The following ACTRT3 variants were observed in gnomAD, a reference collection of about 807,000 sequenced individuals.
ACTRT3 encodes the protein actin related protein T3.
ACTRT3 carries 15 observed loss-of-function variants against 17.6 expected under a neutral mutation model. The ratio of observed to expected loss-of-function variants is 0.85; its 90% CI spans 0.57 to 1.31. The LOEUF (loss-of-function observed/expected upper bound fraction) is 1.31, where lower values mean the gene tolerates loss of function less well. ACTRT3 is among the 50% of genes most tolerant of loss of function. The pLI is 0.00. For missense variants in ACTRT3, 457 were observed against 466.7 expected (o/e 0.98, Z 0.19); for synonymous variants, 169 against 176.4 (o/e 0.96, Z 0.33).
chr3:169,769,433 T>G lies in ACTRT3; in HGVS notation c.88A>C (p.Ile30Leu). 1 of 1,608,894 alleles carries G rather than the reference T, an allele frequency of 6.2e-7. No homozygotes were observed. The highest frequency in any genetic ancestry group is 1.4e-5 in the African/African-American group (1 of 73,788). Residue 30 changes from isoleucine (I) to leucine (L), a missense_variant, in exon 1 of 2, where the codon ATC becomes CTC. By Grantham distance (5) the Ile-to-Leu change is conservative. Transcript: ENST00000330368. ...GCGCGGCCGATAATGTTCGGGTAGA[T>G]AAACTGGGGCTCCCGGCACCCAGCC... is the stretch of plus-strand genomic sequence containing the variant. Reference protein sequence around the residue: ...GVAGCREPQFIYPNIIGRAKG... With the variant: ...GVAGCREPQFLYPNIIGRAKG...
Position 169,767,993 on chromosome 3 carries a change from G to T in ACTRT3, c.558C>A (p.Asn186Lys). Residue 186 changes from asparagine (N) to lysine (K), a missense_variant, in exon 2 of 2, where the codon AAC becomes AAA. Coordinates refer to ENST00000330368, the MANE Select transcript of ACTRT3 (RefSeq NM_032487.5). ...GGTTCTTCATTAGCACCATGAGGTA[G>T]TTGGTGAGGTCAAGGCCTGCCAGAT... Reference protein sequence around the residue: ...QLDLAGLDLTNYLMVLMKNHG... With the variant: ...QLDLAGLDLTKYLMVLMKNHG... 6.2e-7 allele frequency: 1 copy of T among 1,614,206 alleles called. No homozygotes were observed. The highest frequency in any genetic ancestry group is 8.5e-7 in the Non-Finnish European group (1 of 1,180,052).
intron 1 of ACTRT3, among the ~76,000 whole-genome samples, 163 bp from the exon 2 acceptor site, chr3:169,768,513 T>C (rs1778023401): frequency 6.6e-6 from 1 of 151,580 alleles, no homozygotes; most frequent in Admixed American, 6.6e-5. Flanking sequence ...ATAGCACAGC[T>C]ACTTACCTCT....
rs1331274274 is a variant in ACTRT3 at position 169,767,533 on chromosome 3, C to T, written c.1018G>A (p.Gly340Ser). Residue 340 changes from glycine (G) to serine (S), a missense_variant, in exon 2 of 2, where the codon GGT (glycine) becomes AGT (serine). Gly to Ser is a moderately conservative substitution (Grantham distance 56). Transcript: ENST00000330368. ...GCAGACAAGGATGCAAGAATAGAAC[C>T]TCCCATCCACACTGATATTTTCCTT... Reference protein sequence around the residue: ...PERKISVWMGGSILASLSAFQ... With the variant: ...PERKISVWMGSSILASLSAFQ... The T allele has an allele frequency of 1.9e-6, 3 of 1,613,910 alleles. No homozygotes were observed. The highest frequency in any genetic ancestry group is 2.7e-5 in the African/African-American group (2 of 74,926).
rs1778007753 is a variant in ACTRT3 at position 169,767,649 on chromosome 3, G to T, written c.902C>A (p.Thr301Asn). 6.2e-7 allele frequency: 1 copy of T among 1,613,560 alleles called. No individual in the cohort carries two copies. Among genetic ancestry groups the T allele is most frequent in the African/African-American group, 1.3e-5 (1 of 74,882 alleles). Residue 301 changes from threonine (T) to asparagine (N), a missense_variant, in exon 2 of 2, where the codon ACC (threonine) becomes AAC (asparagine). By Grantham distance (65) the Thr-to-Asn change is moderately conservative (BLOSUM62 0). Transcript: ENST00000330368. ...FSNIILAGGS[T>N]SFPGLDKRLV... The stretch of plus-strand genomic sequence containing the variant: ...CCGCTTGTCTAAACCAGGGAAAGAG[G>T]TTGATCCCCCGGCAAGGATAATATT...
In ACTRT3 at chr3:169,767,538, A is replaced by T. The variant is rs139678886; in HGVS notation, c.1013T>A (p.Met338Lys). Reference sequence around the variant, plus strand: ...CAAGGATGCAAGAATAGAACCTCCCATCCACACTGATATTTTCCTTTCTGG... The same window carrying T: ...CAAGGATGCAAGAATAGAACCTCCCTTCCACACTGATATTTTCCTTTCTGG... Reference protein sequence around the residue: ...APPERKISVWMGGSILASLSA... With the variant: ...APPERKISVWKGGSILASLSA... Residue 338 changes from methionine to lysine, a missense_variant, in exon 2 of 2, where the codon ATG becomes AAG. Met to Lys is a moderately conservative substitution (Grantham distance 95). Coordinates refer to ENST00000330368, the MANE Select transcript of ACTRT3 (RefSeq NM_032487.5). The T allele has an allele frequency of 4.3e-6, 7 of 1,614,064 alleles. No homozygotes were observed. The South Asian group carries it at 6.6e-5, about 15-fold the overall frequency.
chr3:169,768,143 C>G lies in ACTRT3; in HGVS notation c.408G>C (p.Gln136His). 1 of 1,614,086 alleles carries G rather than the reference C, an allele frequency of 6.2e-7. No homozygotes were observed. Among genetic ancestry groups the G allele is most frequent in the Non-Finnish European group, 8.5e-7 (1 of 1,180,032 alleles). The change falls in exon 2 of 2, where the codon CAG becomes CAC. Residue 136 changes from glutamine to histidine, a missense_variant. Coordinates refer to ENST00000330368, the MANE Select transcript of ACTRT3 (RefSeq NM_032487.5). Reference sequence around the variant, plus strand: ...CAGCAGCAAAGAGAGCCAGCACAGCCTGGATGGACATATAGAAGGCAGGAA... The same window carrying G: ...CAGCAGCAAAGAGAGCCAGCACAGCGTGGATGGACATATAGAAGGCAGGAA... ...LGVPAFYMSI[Q>H]AVLALFAAGF...
intron 1 of ACTRT3, among the ~76,000 whole-genome samples, chr3:169,768,950 G>T (rs1778031369): frequency 6.6e-6 from 1 of 152,118 alleles, no homozygotes; most frequent in South Asian, 2.1e-4. Context: ...AATAACCCAA[G>T]TGACAAAAGG....
At chr3:169,768,808 G>A (rs991180802) in intron 1 of ACTRT3, among the ~76,000 whole-genome samples, 10 of 152,164 alleles carry the variant, frequency 6.6e-5, no homozygotes, top group African/African-American at 2.2e-4. Flanking sequence ...GATTACAGGC[G>A]TGAGCCACCG....
In ACTRT3 at chr3:169,767,696, GC is replaced by G; in HGVS notation, c.854del (p.Gly285AlafsTer2). ...CFSSIMKCDT[G>X]LRNSFFSNII... ...TATTGGAAAAGAAGGAATTCCTCAG[GC>G]CTGTATCACATTTCATTATGCTGCT... On this transcript the variant is annotated frameshift_variant, in exon 2 of 2. Coordinates refer to ENST00000330368, the MANE Select transcript of ACTRT3 (RefSeq NM_032487.5). LOFTEE classifies it high-confidence loss of function. 1.2e-6 allele frequency: 2 copies of G among 1,613,956 alleles called. No homozygotes were observed. The highest frequency in any genetic ancestry group is 1.7e-6 in the Non-Finnish European group (2 of 1,180,024).
chr3:169,767,262 C>A lies in ACTRT3; in HGVS notation c.*170G>T. ...TAACTTGGTTCTACTCAATAGACAT[C>A]TGTTCTTGAGCTTCACCATTATTAT... On this transcript the variant is annotated 3_prime_UTR_variant, in exon 2 of 2. Coordinates refer to ENST00000330368, the MANE Select transcript of ACTRT3 (RefSeq NM_032487.5). 1.8e-6 allele frequency: 1 copy of A among 550,634 alleles called. No homozygotes were observed. Among genetic ancestry groups the A allele is most frequent in the South Asian group, 3.7e-5 (1 of 26,772 alleles). The allele number at this position is 550,634 out of a possible 1,614,324, so 34.1% of individuals were successfully genotyped here.
Position 169,769,460 on chromosome 3 carries a change from C to A in ACTRT3, c.61G>T (p.Val21Leu). Residue 21 changes from valine (V) to leucine (L), a missense_variant, in exon 1 of 2, where the codon GTG becomes TTG. By Grantham distance (32) the Val-to-Leu change is conservative. Coordinates refer to ENST00000330368, the MANE Select transcript of ACTRT3 (RefSeq NM_032487.5). Reference sequence around the variant, plus strand: ...AACTGGGGCTCCCGGCACCCAGCCACGCCCGCCTTGATCATTCCCGAGCCG... The same window carrying A: ...AACTGGGGCTCCCGGCACCCAGCCAAGCCCGCCTTGATCATTCCCGAGCCG... ...DNGSGMIKAGVAGCREPQFIY... is the reference protein window; with the variant it reads ...DNGSGMIKAGLAGCREPQFIY... The A allele has an allele frequency of 1.2e-6, 2 of 1,610,988 alleles. No individual in the cohort carries two copies. Among genetic ancestry groups the A allele is most frequent in the Non-Finnish European group, 1.7e-6 (2 of 1,179,436 alleles).
chr3:169,767,999 G>C lies in ACTRT3; in HGVS notation c.552C>G (p.Leu184=). 6.2e-7 allele frequency: 1 copy of C among 1,614,178 alleles called. No individual in the cohort carries two copies. Among genetic ancestry groups the C allele is most frequent in the Non-Finnish European group, 8.5e-7 (1 of 1,180,044 alleles). The change falls in exon 2 of 2, where the codon CTC becomes CTG. Residue 184 remains leucine, a synonymous_variant. Coordinates refer to ENST00000330368, the MANE Select transcript of ACTRT3 (RefSeq NM_032487.5). ...VQQLDLAGLD[L]TNYLMVLMKN... is the part of the protein sequence containing the mutation. Reference sequence around the variant, plus strand: ...TCATTAGCACCATGAGGTAGTTGGTGAGGTCAAGGCCTGCCAGATCCAGTT... The same window carrying C: ...TCATTAGCACCATGAGGTAGTTGGTCAGGTCAAGGCCTGCCAGATCCAGTT...
At position 169,768,305 on chromosome 3, in the gene ACTRT3, C is replaced by T; in HGVS notation, c.246G>A (p.Glu82=). The change falls in exon 2 of 2, where the codon GAG becomes GAA. Residue 82 remains glutamate, a synonymous_variant. Transcript: ENST00000330368. ...RGLITSWEDM[E]IMWKHIYDYN... is the part of the protein sequence containing the mutation. ...AGTCATAGATATGCTTCCACATGAT[C>T]TCCATGTCCTCCCATGAAGTAATGA... 1.2e-6 allele frequency: 2 copies of T among 1,613,528 alleles called. No homozygotes were observed. The highest frequency in any genetic ancestry group is 2.2e-5 in the East Asian group (1 of 44,852).
Position 169,767,493 on chromosome 3 carries a change from C to T in ACTRT3, c.1058G>A (p.Trp353Ter). The T allele has an allele frequency of 6.2e-7, 1 of 1,613,236 alleles. No homozygotes were observed. The highest frequency in any genetic ancestry group is 8.5e-7 in the Non-Finnish European group (1 of 1,179,618). Residue 353 changes from tryptophan (W) to a stop codon, truncating the protein, a stop_gained, in exon 2 of 2, where the codon TGG becomes TAG. Transcript: ENST00000330368. LOFTEE classifies it high-confidence loss of function. ...LASLSAFQDMWITAAEFKEVG... is the reference protein window; with the variant it reads ...LASLSAFQDM ...TTCTTTAAATTCTGCAGCAGTGATCCACATGTCCTGGAAGGCAGACAAGGA... is the reference window on the plus strand; with the variant it reads ...TTCTTTAAATTCTGCAGCAGTGATCTACATGTCCTGGAAGGCAGACAAGGA...
In ACTRT3 at chr3:169,768,285, T is replaced by C. The variant is rs1269088185; in HGVS notation, c.266A>G (p.Tyr89Cys). 2 of 1,613,890 alleles carry C rather than the reference T, an allele frequency of 1.2e-6. No individual in the cohort carries two copies. Among genetic ancestry groups the C allele is most frequent in the South Asian group, 2.2e-5 (2 of 91,084 alleles). Residue 89 changes from tyrosine to cysteine, a missense_variant, in exon 2 of 2, where the codon TAT (tyrosine) becomes TGT (cysteine). Tyr to Cys is a radical substitution (Grantham distance 194, BLOSUM62 -2). Coordinates refer to ENST00000330368, the MANE Select transcript of ACTRT3 (RefSeq NM_032487.5). ...CGGCTTCAGCTTTAGGTTATAGTCA[T>C]AGATATGCTTCCACATGATCTCCAT... ...EDMEIMWKHI[Y>C]DYNLKLKPCD... is the part of the protein sequence containing the mutation.
rs777929038 is a variant in ACTRT3 at position 169,768,014 on chromosome 3, C to T, written c.537G>A (p.Leu179=). ...GGTAGTTGGTGAGGTCAAGGCCTGC[C>T]AGATCCAGTTGCTGCACACCATGAG... ...CLPHGVQQLD[L]AGLDLTNYLM... is the part of the protein sequence containing the mutation. Residue 179 remains leucine (L), a synonymous_variant, in exon 2 of 2, where the codon CTG becomes CTA. Transcript: ENST00000330368. 6.2e-7 allele frequency: 1 copy of T among 1,614,138 alleles called. No individual in the cohort carries two copies. Among genetic ancestry groups the T allele is most frequent in the South Asian group, 1.1e-5 (1 of 91,078 alleles).
intron 1 of ACTRT3, among the ~76,000 whole-genome samples, chr3:169,768,961 G>A (rs188331652): frequency 1.3e-5 from 2 of 152,130 alleles, no homozygotes; most frequent in South Asian, 4.1e-4. Context: ...TGACAAAAGG[G>A]ACCATGAGTT....
Position 169,769,355 on chromosome 3 carries a change from G to A in ACTRT3, c.166C>T (p.Gln56Ter). ...QGGLELCVGD[Q>*]AQDWRSSLFI... Reference sequence around the variant, plus strand: ...AGCGAGCTCCTCCAGTCCTGAGCTTGGTCGCCCACGCAGAGTTCTAGCCCG... The same window carrying A: ...AGCGAGCTCCTCCAGTCCTGAGCTTAGTCGCCCACGCAGAGTTCTAGCCCG... Residue 56 changes from glutamine (Q) to a stop codon, truncating the protein, a stop_gained, in exon 1 of 2, where the codon CAA becomes TAA. Coordinates refer to ENST00000330368, the MANE Select transcript of ACTRT3 (RefSeq NM_032487.5). LOFTEE classifies it low-confidence loss of function (END_TRUNC). 1 of 1,548,000 alleles carries A rather than the reference G, an allele frequency of 6.5e-7. No homozygotes were observed. The highest frequency in any genetic ancestry group is 8.7e-7 in the Non-Finnish European group (1 of 1,153,424).
chr3:169,768,740 C>T (rs1205512632), intron 1 of ACTRT3, among the ~76,000 whole-genome samples: 2 of 151,962 alleles, frequency 1.3e-5, no homozygotes, highest in African/African-American at 4.8e-5. Flanking sequence ...GTGTTAGCCA[C>T]GATGGTCTCG....
Sources: allele counts gnomAD v4.1 joint callset (sites outside exome capture counted in the v4.1 genomes callset), GRCh38; gene constraint gnomAD v4.1.1; transcripts MANE v1.5; gene names NCBI Gene and HGNC (gene_info 2026-07-23, HGNC 2026-07-21).